SIAH1: variants seen among roughly 807,000 people sequenced by gnomAD.
The protein encoded by SIAH1 is siah E3 ubiquitin protein ligase 1.
A neutral mutation model predicts 20.0 loss-of-function variants in SIAH1; 2 were observed. That is an observed-to-expected ratio of 0.10 (90% CI 0.04 to 0.31). The LOEUF (loss-of-function observed/expected upper bound fraction) is 0.31, where lower values mean the gene tolerates loss of function less well. SIAH1 is among the 10% of genes least tolerant of loss of function. The pLI, the probability that SIAH1 is intolerant of heterozygous loss-of-function variation, is 1.00. For missense variants in SIAH1, 119 were observed against 355.3 expected, an observed-to-expected ratio of 0.33 and a Z score of 5.35; for synonymous variants, 118 against 125.3, an observed-to-expected ratio of 0.94 and a Z score of 0.39.
chr16:48,365,559 GA>G, intron 1 of SIAH1: 1 of 1,538,008 alleles, frequency 6.5e-7, no homozygotes, highest in Non-Finnish European at 8.7e-7. Flanking sequence ...CCTAAGCACA[GA>G]AGACCCAAAT....
chr16:48,385,611 C>T (rs1961442140), upstream of SIAH1, among the ~76,000 whole-genome samples: 2 of 152,102 alleles, frequency 1.3e-5, no homozygotes, highest in South Asian at 2.1e-4. Context: ...GGGGGCTACT[C>T]GGCTACCGTT....
chr16:48,382,918 C>T (rs1254255091), intron 1 of SIAH1, among the ~76,000 whole-genome samples: 1 of 152,094 alleles, frequency 6.6e-6, no homozygotes, highest in East Asian at 1.9e-4. Context: ...ACTGAAAATC[C>T]TATTTGTTAT....
intron 1 of SIAH1, chr16:48,365,604 C>T: frequency 6.8e-7 from 1 of 1,461,620 alleles, no homozygotes; most frequent in Non-Finnish European, 9.0e-7. Flanking sequence ...ATACCATTTA[C>T]TTCTCAGAAG....
In SIAH1 at chr16:48,385,394, CCGCCGT is replaced by C. The variant is rs1483941904; in HGVS notation, c.-199_-194del. On this transcript the variant is annotated 5_prime_UTR_variant, in exon 1 of 2. Transcript: ENST00000394725. ...GGCTCCCCCCTGGCCGCCGCCGCCG[CCGCCGT>C]TTCGCGCGTCCTCGAGCCCGCCGCG... 1 of 155,480 alleles carries C rather than the reference CCGCCGT, an allele frequency of 6.4e-6. No homozygotes were observed. The highest frequency in any genetic ancestry group is 1.4e-5 in the Non-Finnish European group (1 of 71,530). The allele number at this position is 155,480 out of a possible 1,614,324, so 9.6% of individuals were successfully genotyped here.
chr16:48,368,709 C>T (rs1960907847), intron 1 of SIAH1, among the ~76,000 whole-genome samples: 1 of 151,838 alleles, frequency 6.6e-6, no homozygotes. Context: ...ACTGCATGCA[C>T]TCCAGCCTGG....
chr16:48,365,068 ACG>A (rs1960778094), intron 1 of SIAH1: 1 of 261,696 alleles, frequency 3.8e-6, no homozygotes, highest in African/African-American at 2.2e-5. Context: ...TTTCTTGGGA[ACG>A]GAGGTATTAC....
intron 1 of SIAH1, chr16:48,365,357 C>T: frequency 1.2e-6 from 2 of 1,612,824 alleles, no homozygotes; most frequent in Non-Finnish European, 1.7e-6. Context: ...GTTTCACAGC[C>T]TCAGCAAACC....
At chr16:48,365,735 A>AGC in intron 1 of SIAH1, 1 of 1,405,344 alleles carries the variant, frequency 7.1e-7, no homozygotes, top group South Asian at 1.7e-5. Flanking sequence ...CTGTCCTCCA[A>AGC]TGTGCCCTAA....
At chr16:48,381,458 G>A (rs1409875208) in intron 1 of SIAH1, among the ~76,000 whole-genome samples, 2 of 152,184 alleles carry the variant, frequency 1.3e-5, no homozygotes, top group African/African-American at 4.8e-5. Context: ...GCAAATGGAC[G>A]TTTACAGCAG....
intron 1 of SIAH1, among the ~76,000 whole-genome samples, chr16:48,369,732 A>G (rs1960935191): frequency 6.6e-6 from 1 of 152,196 alleles, no homozygotes; most frequent in Non-Finnish European, 1.5e-5. Flanking sequence ...GGAAAGAATA[A>G]ATAAAGTGTA....
chr16:48,366,715 G>T (rs1960851490), intron 1 of SIAH1, among the ~76,000 whole-genome samples: 1 of 152,166 alleles, frequency 6.6e-6, no homozygotes, highest in Non-Finnish European at 1.5e-5. Context: ...AGCAAGAGTT[G>T]GCAGTGAGGA....
intron 1 of SIAH1, among the ~76,000 whole-genome samples, chr16:48,369,742 A>G (rs1286560616): frequency 1.3e-5 from 2 of 152,202 alleles, no homozygotes; most frequent in Non-Finnish European, 2.9e-5. Flanking sequence ...AATAAAGTGT[A>G]AGATCCCCCT....
chr16:48,369,791 T>C (rs1960936862), intron 1 of SIAH1, among the ~76,000 whole-genome samples: 2 of 152,184 alleles, frequency 1.3e-5, no homozygotes, highest in Admixed American at 1.3e-4. Context: ...ATAGTAAAAC[T>C]TTCCCTTTCC....
In SIAH1 at chr16:48,370,745, G is replaced by A. The variant is rs559071552; in HGVS notation, c.-2-8315C>T. Among the ~76,000 whole-genome samples the A allele has an allele frequency of 4.0e-5, 6 of 150,982 alleles. No individual in the cohort carries two copies. The East Asian group carries it at 1.2e-3, about 29-fold the overall frequency. On this transcript the variant is annotated intron_variant, in intron 1 of 1. Coordinates refer to ENST00000394725, the MANE Select transcript of SIAH1 (RefSeq NM_003031.4). ...GGCGTGAATCCGGGAGGCGGAGCTC[G>A]AAGTGAGCCCAGATCACGACACTGC...
intron 1 of SIAH1, among the ~76,000 whole-genome samples, chr16:48,382,417 T>A (rs1247114790): frequency 6.6e-6 from 1 of 152,032 alleles, no homozygotes; most frequent in Non-Finnish European, 1.5e-5. Flanking sequence ...GATCTGAATG[T>A]CATTAGAATA....
At chr16:48,367,366 G>C (rs1056002299) in intron 1 of SIAH1, among the ~76,000 whole-genome samples, 1 of 152,148 alleles carries the variant, frequency 6.6e-6, no homozygotes, top group Non-Finnish European at 1.5e-5. Context: ...TCTGTACAGA[G>C]CCTTACAGCA....
At chr16:48,370,987 G>T (rs1960970949) in intron 1 of SIAH1, among the ~76,000 whole-genome samples, 1 of 151,962 alleles carries the variant, frequency 6.6e-6, no homozygotes, top group Non-Finnish European at 1.5e-5. Flanking sequence ...GGTGGCAGGT[G>T]CCTGTAATCC....
chr16:48,368,649 G>T (rs1960906497), intron 1 of SIAH1, among the ~76,000 whole-genome samples: 1 of 152,030 alleles, frequency 6.6e-6, no homozygotes, highest in African/African-American at 2.4e-5. Context: ...AGTGAGCCAA[G>T]ATCGACTTGA....
chr16:48,387,043 C>A (rs1597038835), upstream of SIAH1: 1 of 152,356 alleles, frequency 6.6e-6, no homozygotes, highest in Non-Finnish European at 1.5e-5. Flanking sequence ...TGCTGACAGT[C>A]GAGGACTTAC....
Sources: allele counts gnomAD v4.1 joint callset (sites outside exome capture counted in the v4.1 genomes callset), GRCh38; gene constraint gnomAD v4.1.1; transcripts MANE v1.5; gene names NCBI Gene and HGNC (gene_info 2026-07-23, HGNC 2026-07-21).